The following ARID1B variants were observed in gnomAD, a reference collection of about 807,000 sequenced individuals.
ARID1B encodes the protein AT-rich interactive domain-containing protein 1B.
In ARID1B, 30 loss-of-function variants were observed where a neutral mutation model predicts 212.3. That is an observed-to-expected ratio of 0.14 (90% CI 0.11 to 0.19). The LOEUF (loss-of-function observed/expected upper bound fraction) is 0.19, where lower values mean the gene tolerates loss of function less well. Ranked by LOEUF, ARID1B falls within the 10% of genes least tolerant of loss-of-function variation. ARID1B has a pLI of 1.00. For missense variants in ARID1B, 2,891 were observed against 3,204.0 expected (o/e 0.90, Z 2.36); for synonymous variants, 1,402 against 1,301.7 (o/e 1.08, Z -1.66).
intron 4 of ARID1B, among the ~76,000 whole-genome samples, chr6:157,021,352 T>G (rs1235938830): frequency 1.3e-5 from 2 of 152,082 alleles, no homozygotes; most frequent in East Asian, 1.9e-4. Context: ...CCCCCGGGAG[T>G]GGGACCACCA....
At chr6:157,197,626 G>C (rs1168008337) in intron 16 of ARID1B, among the ~76,000 whole-genome samples, 1 of 152,172 alleles carries the variant, frequency 6.6e-6, no homozygotes, top group African/African-American at 2.4e-5. Context: ...TCGTTAATCA[G>C]TTAACCATAA....
At chr6:156,962,171 C>T (rs1457140805) in intron 4 of ARID1B, among the ~76,000 whole-genome samples, 2 of 151,932 alleles carry the variant, frequency 1.3e-5, no homozygotes, top group South Asian at 2.1e-4. Flanking sequence ...TGGTGGCGGG[C>T]GCCTGCAGTC....
chr6:156,970,073 GTTGTTTTGTT>G (rs1423096191), intron 4 of ARID1B, among the ~76,000 whole-genome samples: 1 of 146,674 alleles, frequency 6.8e-6, no homozygotes, highest in Non-Finnish European at 1.5e-5. Context: ...TGTTTTGTTT[GTTGTTTTGTT>G]TTGTTTTGTT....
intron 1 of ARID1B, among the ~76,000 whole-genome samples, chr6:156,787,484 T>C (rs796141319): frequency 2.2e-4 from 33 of 152,328 alleles, no homozygotes; most frequent in African/African-American, 7.0e-4. Context: ...GATTGTTAAT[T>C]CTAAAATTCA....
intron 4 of ARID1B, among the ~76,000 whole-genome samples, chr6:157,044,175 G>A (rs933006166): frequency 1.3e-5 from 2 of 152,102 alleles, no homozygotes; most frequent in African/African-American, 4.8e-5. Flanking sequence ...AAAATGGAAT[G>A]GATTCCAGTT....
chr6:156,849,983 T>C (rs1445221559), intron 2 of ARID1B, among the ~76,000 whole-genome samples: 2 of 150,074 alleles, frequency 1.3e-5, no homozygotes, highest in Non-Finnish European at 3.0e-5. Context: ...AAGTGGCACC[T>C]GTTAGAGCTG....
intron 4 of ARID1B, among the ~76,000 whole-genome samples, chr6:157,031,060 G>T (rs1295857583): frequency 9.6e-5 from 14 of 146,186 alleles, no homozygotes; most frequent in South Asian, 2.2e-4. Flanking sequence ...CTTATGGTTG[G>T]TTTTTTTTTT....
intron 4 of ARID1B, among the ~76,000 whole-genome samples, chr6:156,990,595 C>T (rs202110794): frequency 3.3e-5 from 5 of 152,192 alleles, no homozygotes; most frequent in East Asian, 3.9e-4. Context: ...GAGCCGAGAT[C>T]GCACCACTGC....
chr6:157,072,774 A>T (rs766032732), intron 4 of ARID1B, among the ~76,000 whole-genome samples: 1 of 152,218 alleles, frequency 6.6e-6, no homozygotes, highest in Non-Finnish European at 1.5e-5. Context: ...TAACTCATTC[A>T]GTTCTCTCAG....
At chr6:157,020,006 T>C (rs895771565) in intron 4 of ARID1B, among the ~76,000 whole-genome samples, 2 of 152,186 alleles carry the variant, frequency 1.3e-5, no homozygotes, top group African/African-American at 4.8e-5. Context: ...GCCCCCTGCC[T>C]TTCTCTTTTA....
At chr6:156,894,450 T>C (rs561320046) in intron 2 of ARID1B, among the ~76,000 whole-genome samples, 1 of 152,316 alleles carries the variant, frequency 6.6e-6, no homozygotes, top group South Asian at 2.1e-4. Context: ...AACTGTATAC[T>C]TCAAATGGTT....
At chr6:157,163,495 G>T (rs1391676919) in intron 8 of ARID1B, among the ~76,000 whole-genome samples, 1 of 152,204 alleles carries the variant, frequency 6.6e-6, no homozygotes. Flanking sequence ...CTTGGCAGTA[G>T]TGTCTCAAGC....
At chr6:157,051,868 G>C (rs1263274541) in intron 4 of ARID1B, among the ~76,000 whole-genome samples, 1 of 152,082 alleles carries the variant, frequency 6.6e-6, no homozygotes, top group East Asian at 1.9e-4. Context: ...TTTGTCACAT[G>C]ATATATTACT....
chr6:156,903,976 A>G (rs929800982), intron 3 of ARID1B, among the ~76,000 whole-genome samples: 1 of 152,178 alleles, frequency 6.6e-6, no homozygotes, highest in South Asian at 2.1e-4. Context: ...AATATTTTTC[A>G]TATGTTTAAT....
chr6:156,809,064 A>AAACATCAATAACCTAATTTTATAAAGT (rs1781381854), intron 1 of ARID1B, among the ~76,000 whole-genome samples: 1 of 152,206 alleles, frequency 6.6e-6, no homozygotes, highest in Non-Finnish European at 1.5e-5. Context: ...TTTAAAAGTA[A>AAACATCAATAACCTAATTTTATAAAGT]AACATCAATA....
At chr6:157,017,151 A>G (rs1473661446) in intron 4 of ARID1B, among the ~76,000 whole-genome samples, 1 of 152,194 alleles carries the variant, frequency 6.6e-6, no homozygotes, top group African/African-American at 2.4e-5. Flanking sequence ...ACCAAACACA[A>G]CTTCTGCGCC....
chr6:156,991,287 A>G (rs764548377), intron 4 of ARID1B, among the ~76,000 whole-genome samples: 2 of 152,100 alleles, frequency 1.3e-5, no homozygotes. Flanking sequence ...CTGGAGTGCA[A>G]TGGTGCGATC....
chr6:157,121,548 T>C (rs1471809522), intron 6 of ARID1B, among the ~76,000 whole-genome samples: 1 of 152,104 alleles, frequency 6.6e-6, no homozygotes, highest in Non-Finnish European at 1.5e-5. Flanking sequence ...TAATTTTTTT[T>C]CATCTGCTAA....
At chr6:156,803,255 CATTTT>C (rs1365114636) in intron 1 of ARID1B, among the ~76,000 whole-genome samples, 1 of 152,090 alleles carries the variant, frequency 6.6e-6, no homozygotes, top group Non-Finnish European at 1.5e-5. Context: ...TAAGAGCCAA[CATTTT>C]ATTTATGAAA....
Sources: gnomAD v4.1 joint callset for allele counts (sites outside exome capture counted in the v4.1 genomes callset) on GRCh38, gnomAD v4.1.1 for gene constraint, MANE v1.5 for transcripts, NCBI Gene and HGNC (gene_info 2026-07-23, HGNC 2026-07-21) for gene names.